Variants in DGKG observed in about 807,000 individuals in gnomAD.
DGKG encodes the protein DAG kinase gamma.
DGKG carries 78 observed loss-of-function variants against 105.3 expected under a neutral mutation model. That is an observed-to-expected ratio of 0.74 (90% CI 0.62 to 0.89). The LOEUF is 0.89. Among genes scored for constraint, DGKG ranks in the 40% least tolerant of loss-of-function variants. The probability of loss-of-function intolerance (pLI) is 0.00; values close to 1 mark genes in which losing one functional copy is unlikely to be tolerated. For synonymous variants in DGKG, 346 were observed against 367.1 expected (o/e 0.94, Z 0.66); for missense variants, 958 against 1,020.1 (o/e 0.94, Z 0.83).
At chr3:186,160,819 A>G in intron 24 of DGKG, 1 of 985,468 alleles carries the variant, frequency 1.0e-6, no homozygotes, top group Middle Eastern at 5.2e-4. Flanking sequence ...TGCATTTCTA[A>G]CTGAGGACAA....
At chr3:186,228,151 T>C (rs899527131) in intron 20 of DGKG, among the ~76,000 whole-genome samples, 3 of 152,196 alleles carry the variant, frequency 2.0e-5, no homozygotes, top group African/African-American at 7.2e-5. Context: ...GGATTTCTAC[T>C]TCACAACCAA....
chr3:186,343,289 C>CTTTCT (rs934627680), intron 1 of DGKG, among the ~76,000 whole-genome samples: 1 of 152,118 alleles, frequency 6.6e-6, no homozygotes, highest in African/African-American at 2.4e-5. Flanking sequence ...AATCTTCTTT[C>CTTTCT]TTTCTTTTCT....
chr3:186,311,919 A>G lies in DGKG; in HGVS notation c.68-4942T>C, dbSNP rs536135057. Among the ~76,000 whole-genome samples the G allele has an allele frequency of 3.5e-3, 455 of 129,636 alleles. 7 individuals are homozygous for G. The highest frequency in any genetic ancestry group is 5.3e-3 in the Non-Finnish European group (360 of 67,670). The allele number at this position is 129,636 out of a possible 152,430, so 85.0% of individuals were successfully genotyped here. On this transcript the variant is annotated intron_variant, in intron 2 of 24. Transcript: ENST00000265022. Reference sequence around the variant, plus strand: ...ATCATGAGGTCAGGAGATCGAGACCATCCTGGCTAACAAGGTGAAACCCCG... The same window carrying G: ...ATCATGAGGTCAGGAGATCGAGACCGTCCTGGCTAACAAGGTGAAACCCCG...
chr3:186,282,104 T>C (rs1301115062), intron 7 of DGKG, among the ~76,000 whole-genome samples: 1 of 152,168 alleles, frequency 6.6e-6, no homozygotes, highest in Non-Finnish European at 1.5e-5. Context: ...ATGGGATAGG[T>C]ATTCCATTTG....
Position 186,211,895 on chromosome 3 carries a change from A to T in DGKG, c.1827-10T>A. On this transcript the variant is annotated splice_polypyrimidine_tract_variant and intron_variant, in intron 20 of 24. Transcript: ENST00000265022. Reference sequence around the variant, plus strand: ...CAGCTTGTTCTTCATCCTGGACCACAAAGCAGAGAGATGTCTCAATATTCC... The same window carrying T: ...CAGCTTGTTCTTCATCCTGGACCACTAAGCAGAGAGATGTCTCAATATTCC... The T allele has an allele frequency of 6.2e-7, 1 of 1,610,026 alleles. No homozygotes were observed.
Position 186,309,301 on chromosome 3 carries a change from A to G in DGKG, c.68-2324T>C, listed in dbSNP as rs61373407. Among the ~76,000 whole-genome samples the G allele has an allele frequency of 2.4e-4, 36 of 152,304 alleles. No individual in the cohort carries two copies. The East Asian group carries it at 6.2e-3, about 26-fold the overall frequency. On this transcript the variant is annotated intron_variant, in intron 2 of 24. Coordinates refer to ENST00000265022, the MANE Select transcript of DGKG (RefSeq NM_001346.3). ...AGACCAAGGGAGCAACGGTGCAGAGATGGGCACCATAAAACGTTTAGGACA... is the reference window on the plus strand; with the variant it reads ...AGACCAAGGGAGCAACGGTGCAGAGGTGGGCACCATAAAACGTTTAGGACA...
At chr3:186,160,342 TG>T (rs1472701656) in intron 24 of DGKG, 6 of 985,374 alleles carry the variant, frequency 6.1e-6, no homozygotes, top group Non-Finnish European at 7.2e-6. Context: ...CCTTTTTTTT[TG>T]TAGGGGGGTT....
At chr3:186,320,758 G>T (rs1578830989) in intron 1 of DGKG, 51 bp from the exon 2 acceptor site, 1 of 308,880 alleles carries the variant, frequency 3.2e-6, no homozygotes, top group Non-Finnish European at 5.9e-6. Flanking sequence ...AAAAAAAAAG[G>T]CCCCAAATGT....
In DGKG at chr3:186,297,494, A is replaced by T. The variant is rs3819860; in HGVS notation, c.311-11T>A. On this transcript the variant is annotated splice_polypyrimidine_tract_variant and intron_variant, in intron 4 of 24. Coordinates refer to ENST00000265022, the MANE Select transcript of DGKG (RefSeq NM_001346.3). ...TCTGTATATTAGTATCTGAGGAAAA[A>T]AAAGAAGATTTAAAGACCAACCCAG... 2 of 1,604,330 alleles carry T rather than the reference A, an allele frequency of 1.2e-6. No individual in the cohort carries two copies. Among genetic ancestry groups the T allele is most frequent in the Non-Finnish European group, 1.7e-6 (2 of 1,171,318 alleles).
intron 20 of DGKG, among the ~76,000 whole-genome samples, chr3:186,230,522 G>GAGA (rs1284812991): frequency 6.6e-6 from 1 of 152,180 alleles, no homozygotes; most frequent in Non-Finnish European, 1.5e-5. Flanking sequence ...GTTTGAGGAG[G>GAGA]AGAATGTTAT....
Position 186,284,728 on chromosome 3 carries a change from TA to T in DGKG, c.545-20del. 6.2e-7 allele frequency: 1 copy of T among 1,612,752 alleles called. No individual in the cohort carries two copies. Among genetic ancestry groups the T allele is most frequent in the Non-Finnish European group, 8.5e-7 (1 of 1,178,826 alleles). On this transcript the variant is annotated intron_variant, in intron 6 of 24. Transcript: ENST00000265022. The surrounding 1 kb of genome is among the most constrained non-coding windows in gnomAD (Gnocchi z 4.0). ...AACATGACTGTAAGAAACACAGAGGTAAGCCTTGAGGTGTCCTCTAAGAAGC... is the reference window on the plus strand; with the variant it reads ...AACATGACTGTAAGAAACACAGAGGTAGCCTTGAGGTGTCCTCTAAGAAGC...
intron 1 of DGKG, among the ~76,000 whole-genome samples, chr3:186,356,337 C>G (rs1435775266): frequency 6.6e-6 from 1 of 152,134 alleles, no homozygotes; most frequent in Non-Finnish European, 1.5e-5. Flanking sequence ...CCAGAAATAT[C>G]TGGGCAAGTT....
At chr3:186,259,009 C>A (rs1049732537) in intron 16 of DGKG, among the ~76,000 whole-genome samples, 2 of 152,164 alleles carry the variant, frequency 1.3e-5, no homozygotes, top group African/African-American at 2.4e-5. Context: ...ATCTGCCCAG[C>A]CTGGTGGTCT....
At chr3:186,302,112 G>A (rs1272197011) in intron 3 of DGKG, among the ~76,000 whole-genome samples, 3 of 152,006 alleles carry the variant, frequency 2.0e-5, no homozygotes, top group Non-Finnish European at 2.9e-5. Context: ...TCCCTACTTG[G>A]CACCTTGGTT....
intron 5 of DGKG, among the ~76,000 whole-genome samples, chr3:186,295,637 G>GAAAAAA (rs1404870416): frequency 8.6e-5 from 2 of 23,290 alleles, no homozygotes; most frequent in African/African-American, 3.2e-4. Flanking sequence ...ATAATGCACA[G>GAAAAAA]TAAAAAAAAA....
intron 22 of DGKG, among the ~76,000 whole-genome samples, chr3:186,186,220 G>A (rs972449279): frequency 2.6e-5 from 4 of 152,020 alleles, no homozygotes; most frequent in Middle Eastern, 3.4e-3. Flanking sequence ...TCAAATAGAC[G>A]GGTGTGAAAC....
At chr3:186,278,577 G>A (rs999402444) in intron 9 of DGKG, among the ~76,000 whole-genome samples, 1 of 152,124 alleles carries the variant, frequency 6.6e-6, no homozygotes, top group Admixed American at 6.5e-5. Context: ...TGACTTTCTA[G>A]GGTTCTAAGG....
At chr3:186,296,003 G>A (rs945824160) in intron 5 of DGKG, among the ~76,000 whole-genome samples, 1 of 151,994 alleles carries the variant, frequency 6.6e-6, no homozygotes, top group African/African-American at 2.4e-5. Context: ...CAGCTACTCA[G>A]GAGGCTGACG....
chr3:186,196,057 C>G (rs1427899448), intron 21 of DGKG, among the ~76,000 whole-genome samples: 1 of 151,920 alleles, frequency 6.6e-6, no homozygotes, highest in African/African-American at 2.4e-5. Flanking sequence ...TACCTTTCTT[C>G]TAAATCTCTA....
Sources: allele counts gnomAD v4.1 joint callset (sites outside exome capture counted in the v4.1 genomes callset), GRCh38; gene constraint gnomAD v4.1.1; non-coding constraint Gnocchi (gnomAD v3.1); transcripts MANE v1.5; gene names NCBI Gene and HGNC (gene_info 2026-07-23, HGNC 2026-07-21).